The following GAB2 variants were observed in gnomAD, a reference collection of about 807,000 sequenced individuals.
The protein encoded by GAB2 is GRB2-associated-binding protein 2.
Under a neutral mutation model 65.5 loss-of-function variants are expected in GAB2, and 26 were observed. The ratio of observed to expected loss-of-function variants is 0.40; its 90% confidence interval spans 0.29 to 0.55. The LOEUF (loss-of-function observed/expected upper bound fraction) is 0.55, where lower values mean the gene tolerates loss of function less well. GAB2 is among the 20% of genes least tolerant of loss of function. GAB2 has a pLI of 0.53. For synonymous variants in GAB2, 321 were observed against 329.6 expected (o/e 0.97, Z 0.28); for missense variants, 884 against 875.8 (o/e 1.01, Z -0.12).
At position 78,226,969 on chromosome 11, in the gene GAB2, C is replaced by T. The variant is rs779952796; in HGVS notation, c.703G>A (p.Gly235Arg). 1.9e-6 allele frequency: 3 copies of T among 1,613,604 alleles called. No individual in the cohort carries two copies. Among genetic ancestry groups the T allele is most frequent in the Admixed American group, 1.7e-5 (1 of 60,016 alleles). ...TAVQKLAQGN[G>R]HCVNGISGQV... is the part of the protein sequence containing the mutation. ...CCACTGATCCCGTTGACACAGTGTC[C>T]ATTGCCCTGGGCAAGTTTTTGTACA... Residue 235 changes from glycine (G) to arginine (R), a missense_variant, in exon 4 of 10, where the codon GGA becomes AGA. Gly to Arg is a moderately radical substitution (Grantham distance 125). Transcript: ENST00000361507.
intron 1 of GAB2, among the ~76,000 whole-genome samples, chr11:78,337,887 G>A (rs1183832322): frequency 6.6e-6 from 1 of 152,206 alleles, no homozygotes; most frequent in Non-Finnish European, 1.5e-5. Flanking sequence ...CTGTAGCTCA[G>A]AGTGGTTTGA....
chr11:78,344,562 C>T (rs895251736), intron 1 of GAB2, among the ~76,000 whole-genome samples: 8 of 152,194 alleles, frequency 5.3e-5, no homozygotes, highest in African/African-American at 1.7e-4. Flanking sequence ...TTATGAAACT[C>T]AGCTATGCTG....
chr11:78,244,639 C>G (rs1329173747), intron 3 of GAB2, among the ~76,000 whole-genome samples: 2 of 56,576 alleles, frequency 3.5e-5, no homozygotes, highest in Admixed American at 4.8e-4. Flanking sequence ...CAAACGAAGA[C>G]AGAAAAACAG....
At chr11:78,312,310 C>CACA (rs1554987415) in intron 1 of GAB2, among the ~76,000 whole-genome samples, 12 of 152,048 alleles carry the variant, frequency 7.9e-5, no homozygotes, top group South Asian at 4.2e-4. Flanking sequence ...CCACCACCAC[C>CACA]ACAACAAAAA....
At chr11:78,302,012 C>T (rs1162428544) in intron 1 of GAB2, among the ~76,000 whole-genome samples, 6 of 152,134 alleles carry the variant, frequency 3.9e-5, no homozygotes, top group African/African-American at 1.4e-4. Flanking sequence ...ACTGGATCCT[C>T]GTCTCTCACC....
rs541283675 is a variant in GAB2 at position 78,323,987 on chromosome 11, G to A, written c.76-43086C>T. On this transcript the variant is annotated intron_variant, in intron 1 of 9. Transcript: ENST00000361507. Reference sequence around the variant, plus strand: ...TAATTTTTGTATTTTTAGTAGAGACGGGGTTTTGCCATGTGGGCCAGGCTG... The same window carrying A: ...TAATTTTTGTATTTTTAGTAGAGACAGGGTTTTGCCATGTGGGCCAGGCTG... Among the ~76,000 whole-genome samples, 9 of 151,788 alleles carry A rather than the reference G, an allele frequency of 5.9e-5. No homozygotes were observed. In the South Asian group the frequency reaches 6.3e-4, roughly 11 times the overall value.
In GAB2 at chr11:78,275,582, TAGA is replaced by T. The variant is rs1590989839; in HGVS notation, c.376+5016_376+5018del. Among the ~76,000 whole-genome samples, 4 of 152,336 alleles carry T rather than the reference TAGA, an allele frequency of 2.6e-5. No individual in the cohort carries two copies. In the East Asian group the frequency reaches 7.7e-4, roughly 29 times the overall value. ...TAACATACCAGATTCTCCTCTGAGA[TAGA>T]AGAAAAGCCAATTGTTTTCAACAGA... On this transcript the variant is annotated intron_variant, in intron 2 of 9. Coordinates refer to ENST00000361507, the MANE Select transcript of GAB2 (RefSeq NM_080491.3).
rs538386349 is a variant in GAB2, at chr11:78,332,157, G to A, written c.76-51256C>T. On this transcript the variant is annotated intron_variant, in intron 1 of 9. Transcript: ENST00000361507. ...ATCCCCAAACTGACACAAGGCGGGA[G>A]GAAGACTTCAGGAAATGGGCAGATT... Among the ~76,000 whole-genome samples, 282 of 152,316 alleles carry A rather than the reference G, an allele frequency of 1.9e-3. 3 individuals are homozygous for A. The highest frequency in any genetic ancestry group is 6.8e-3 in the Middle Eastern group (2 of 294).
chr11:78,383,772 A>C (rs1856729233), intron 1 of GAB2, among the ~76,000 whole-genome samples: 1 of 152,020 alleles, frequency 6.6e-6, no homozygotes, highest in Admixed American at 6.6e-5. Context: ...AATTAAATGA[A>C]TGGCCACAGA....
chr11:78,338,749 C>T (rs1856044357), intron 1 of GAB2, among the ~76,000 whole-genome samples: 1 of 152,208 alleles, frequency 6.6e-6, no homozygotes, highest in African/African-American at 2.4e-5. Context: ...AAGGACCAGT[C>T]ATCCCATGAT....
Position 78,280,761 on chromosome 11 carries a change from G to A in GAB2, c.216C>T (p.Gly72=). 6.2e-7 allele frequency: 1 copy of A among 1,614,116 alleles called. No individual in the cohort carries two copies. The highest frequency in any genetic ancestry group is 1.6e-4 in the Middle Eastern group (1 of 6,062). The change falls in exon 2 of 10, where the codon GGC becomes GGT. Residue 72 remains glycine (G), a synonymous_variant. Coordinates refer to ENST00000361507, the MANE Select transcript of GAB2 (RefSeq NM_080491.3). ...GCAGCTCCTTCTTGTTAAAGGTCAGGCCTGCATCTACCTGCTCACAGAAGT... is the reference window on the plus strand; with the variant it reads ...GCAGCTCCTTCTTGTTAAAGGTCAGACCTGCATCTACCTGCTCACAGAAGT... ...NLNFCEQVDA[G]LTFNKKELQD...
chr11:78,312,515 T>C (rs1855521752), intron 1 of GAB2, among the ~76,000 whole-genome samples: 1 of 152,230 alleles, frequency 6.6e-6, no homozygotes, highest in South Asian at 2.1e-4. Flanking sequence ...AACCTCCACC[T>C]CGCTGTTTCA....
At chr11:78,250,861 A>G (rs916194288) in intron 2 of GAB2, among the ~76,000 whole-genome samples, 2 of 152,152 alleles carry the variant, frequency 1.3e-5, no homozygotes, top group African/African-American at 4.8e-5. Context: ...CAGAAAACCA[A>G]ATACCCTAAT....
At chr11:78,244,663 T>TAAAAAAAAA (rs36056237) in intron 3 of GAB2, among the ~76,000 whole-genome samples, 9 of 74,754 alleles carry the variant, frequency 1.2e-4, no homozygotes, top group African/African-American at 2.9e-4. Context: ...ACATTCATAG[T>TAAAAAAAAA]AAAAAAAAAA....
At chr11:78,388,639 A>C (rs1318598045) in intron 1 of GAB2, among the ~76,000 whole-genome samples, 3 of 152,126 alleles carry the variant, frequency 2.0e-5, no homozygotes, top group African/African-American at 7.2e-5. Flanking sequence ...CATATTGTTT[A>C]TAGATGGGGC....
chr11:78,317,262 A>G (rs1855626587), intron 1 of GAB2, among the ~76,000 whole-genome samples: 1 of 152,168 alleles, frequency 6.6e-6, no homozygotes, highest in Non-Finnish European at 1.5e-5. Flanking sequence ...TGAACTATAC[A>G]CTTAAAAGTG....
intron 1 of GAB2, among the ~76,000 whole-genome samples, chr11:78,375,365 A>C (rs145012030): frequency 1.3e-5 from 2 of 152,300 alleles, no homozygotes; most frequent in African/African-American, 4.8e-5. Context: ...AGCTTAATTA[A>C]AGTACTTTTT....
chr11:78,287,058 T>C (rs1056480151), intron 1 of GAB2, among the ~76,000 whole-genome samples: 2 of 152,250 alleles, frequency 1.3e-5, no homozygotes, highest in African/African-American at 2.4e-5. Flanking sequence ...ATGGAATTTA[T>C]TCCAAGGAGG....
At chr11:78,261,235 C>A (rs942563561) in intron 2 of GAB2, among the ~76,000 whole-genome samples, 10 of 152,130 alleles carry the variant, frequency 6.6e-5, no homozygotes, top group African/African-American at 2.4e-4. Flanking sequence ...TTGCAGTAAG[C>A]TGTGACCACA....
Sources: allele counts gnomAD v4.1 joint callset (sites outside exome capture counted in the v4.1 genomes callset), GRCh38; gene constraint gnomAD v4.1.1; transcripts MANE v1.5; gene names NCBI Gene and HGNC (gene_info 2026-07-23, HGNC 2026-07-21).